Variants in BMPR2 observed in about 807,000 individuals in gnomAD.
The protein encoded by BMPR2 is bone morphogenetic protein receptor type 2, also known as bone morphogenetic protein receptor type-2.
A neutral mutation model predicts 100.8 loss-of-function variants in BMPR2; 29 were observed. That is an observed-to-expected ratio of 0.29 (90% CI 0.21 to 0.39). BMPR2 has a LOEUF of 0.39. Among genes scored for constraint, BMPR2 ranks in the 10% least tolerant of loss-of-function variants. BMPR2 has a pLI of 1.00. For synonymous variants in BMPR2, 382 were observed against 442.3 expected (o/e 0.86, Z 1.71); for missense variants, 1,011 against 1,274.5 (o/e 0.79, Z 3.15).
intron 8 of BMPR2, among the ~76,000 whole-genome samples, chr2:202,531,930 ATTTTTTT>A (rs71035015): frequency 1.2e-3 from 64 of 52,292 alleles, no homozygotes; most frequent in Admixed American, 4.3e-3. Flanking sequence ...GCCCAGCTGT[ATTTTTTT>A]TTTTTTTTTT....
intron 1 of BMPR2, among the ~76,000 whole-genome samples, chr2:202,431,912 T>C (rs1194221216): frequency 2.0e-5 from 3 of 150,696 alleles, no homozygotes; most frequent in Middle Eastern, 3.2e-3. Context: ...TTTTCTACTC[T>C]AGATCTCTAA....
At position 202,535,406 on chromosome 2, in the gene BMPR2, G is replaced by A. The variant is rs533849955; in HGVS notation, c.1276+2674G>A. ...CAGAGACGCTCCTCACCTCCCAGAC[G>A]GGGTCTCGGCTGGGCAGAGGCGCTC... On this transcript the variant is annotated intron_variant, in intron 9 of 12. Transcript: ENST00000374580. Among the ~76,000 whole-genome samples, 321 of 151,384 alleles carry A rather than the reference G, an allele frequency of 2.1e-3. 1 individual carries two copies. Among genetic ancestry groups the A allele is most frequent in the African/African-American group, 7.2e-3 (298 of 41,248 alleles).
intron 1 of BMPR2, among the ~76,000 whole-genome samples, chr2:202,425,175 A>G (rs867251907): frequency 6.6e-6 from 1 of 152,016 alleles, no homozygotes; most frequent in Non-Finnish European, 1.5e-5. Context: ...CACCCTCCCA[A>G]AGTGCTAGGA....
At chr2:202,489,001 C>CTT (rs199776901) in intron 3 of BMPR2, among the ~76,000 whole-genome samples, 14 of 137,288 alleles carry the variant, frequency 1.0e-4, no homozygotes, top group African/African-American at 1.9e-4. Flanking sequence ...CTTTTTGTTA[C>CTT]TTTTTTTTTT....
At chr2:202,412,429 C>T (rs952715960) in intron 1 of BMPR2, among the ~76,000 whole-genome samples, 14 of 152,162 alleles carry the variant, frequency 9.2e-5, no homozygotes, top group Non-Finnish European at 1.3e-4. Context: ...CGCCATTCTC[C>T]TGCCTCAGCC....
intron 3 of BMPR2, among the ~76,000 whole-genome samples, chr2:202,497,615 T>C (rs910565215): frequency 1.3e-5 from 2 of 152,174 alleles, no homozygotes; most frequent in Admixed American, 1.3e-4. Context: ...AACAAGTTGG[T>C]TGACCCTGCG....
intron 3 of BMPR2, among the ~76,000 whole-genome samples, chr2:202,499,273 G>A (rs1318240548): frequency 1.3e-5 from 2 of 152,210 alleles, no homozygotes; most frequent in Non-Finnish European, 2.9e-5. Context: ...TCATGCTACT[G>A]TTAGATCAAA....
intron 1 of BMPR2, among the ~76,000 whole-genome samples, chr2:202,453,902 C>A (rs1401837258): frequency 6.6e-6 from 1 of 152,090 alleles, no homozygotes; most frequent in Non-Finnish European, 1.5e-5. Flanking sequence ...TAACTCATTG[C>A]ATGTCTGTAT....
chr2:202,412,536 G>T (rs1451904170), intron 1 of BMPR2, among the ~76,000 whole-genome samples: 1 of 152,108 alleles, frequency 6.6e-6, no homozygotes, highest in Non-Finnish European at 1.5e-5. Flanking sequence ...AGTCAGGATG[G>T]TCTTGATCTC....
chr2:202,428,382 T>TTC (rs72445138), intron 1 of BMPR2, among the ~76,000 whole-genome samples: 2 of 150,442 alleles, frequency 1.3e-5, no homozygotes, highest in Non-Finnish European at 3.0e-5. Flanking sequence ...CTCCTTCTGT[T>TTC]TCTCTCTCTC....
At chr2:202,555,157 AC>A in intron 11 of BMPR2, 94 bp from the exon 12 acceptor site, 1 of 1,174,040 alleles carries the variant, frequency 8.5e-7, no homozygotes. Context: ...AAAATGAAAA[AC>A]AACTCAGACT....
At chr2:202,473,057 A>T (rs1692468587) in intron 3 of BMPR2, among the ~76,000 whole-genome samples, 2 of 152,226 alleles carry the variant, frequency 1.3e-5, no homozygotes, top group African/African-American at 4.8e-5. Context: ...GTTGAAGTTT[A>T]AAGAAAGAAA....
intron 1 of BMPR2, among the ~76,000 whole-genome samples, chr2:202,414,322 G>T (rs1298684572): frequency 6.6e-6 from 1 of 152,190 alleles, no homozygotes; most frequent in African/African-American, 2.4e-5. Flanking sequence ...TGTTCTATCA[G>T]CTGTTGTTCC....
chr2:202,376,542 G>GGCGGCGGCGGCC lies in BMPR2; in HGVS notation c.-928_-927insGGCGGCCGCGGC. 7.1e-6 allele frequency among the ~76,000 whole-genome samples: 1 copy of GGCGGCGGCGGCC among 141,414 alleles called. No homozygotes were observed. Among genetic ancestry groups the GGCGGCGGCGGCC allele is most frequent in the Non-Finnish European group, 1.5e-5 (1 of 65,242 alleles). 92.8% of individuals were successfully genotyped at this position (141,414 alleles called of 152,430 possible). The stretch of plus-strand genomic sequence containing the variant: ...CGGCGGCGGCGGCGGCGGCGGCGGC[G>GGCGGCGGCGGCC]GCGGCAGCAGCAGCGGCTTCCTCGG... On this transcript the variant is annotated 5_prime_UTR_variant, in exon 1 of 13. Coordinates refer to ENST00000374580, the MANE Select transcript of BMPR2 (RefSeq NM_001204.7).
chr2:202,523,701 G>A (rs1461693184), intron 7 of BMPR2, among the ~76,000 whole-genome samples: 1 of 152,178 alleles, frequency 6.6e-6, no homozygotes, highest in Admixed American at 6.5e-5. Context: ...CTACTCGGGA[G>A]GCTGAGGCAG....
chr2:202,384,588 T>TTTTCTTTCTTTTC (rs1559020887), intron 1 of BMPR2, among the ~76,000 whole-genome samples: 199 of 129,868 alleles, frequency 1.5e-3, no homozygotes, highest in East Asian at 5.9e-3. Flanking sequence ...CTTTTCTTTC[T>TTTTCTTTCTTTTC]TTTCTTTCTT....
At chr2:202,379,392 A>G (rs544027801) in intron 1 of BMPR2, among the ~76,000 whole-genome samples, 15 of 152,358 alleles carry the variant, frequency 9.8e-5, no homozygotes, top group African/African-American at 3.6e-4. Context: ...AGCCAGGATT[A>G]TAGTGTGCGC....
chr2:202,534,881 G>C (rs1405357365), intron 9 of BMPR2, among the ~76,000 whole-genome samples: 120 of 147,686 alleles, frequency 8.1e-4, no homozygotes, highest in African/African-American at 2.9e-3. Flanking sequence ...TCCCGGACGG[G>C]GCGGCTGGCC....
At chr2:202,502,552 C>T (rs976885805) in intron 3 of BMPR2, among the ~76,000 whole-genome samples, 3 of 152,066 alleles carry the variant, frequency 2.0e-5, no homozygotes, top group Non-Finnish European at 2.9e-5. Context: ...ATCTACCCAG[C>T]CAAGGCATAT....
Sources: allele counts gnomAD v4.1 joint callset (sites outside exome capture counted in the v4.1 genomes callset), GRCh38; gene constraint gnomAD v4.1.1; transcripts MANE v1.5; gene names NCBI Gene and HGNC (gene_info 2026-07-23, HGNC 2026-07-21).